NECTIN2: variants seen among roughly 807,000 people sequenced by gnomAD.
The protein encoded by NECTIN2 is nectin-2.
Under a neutral mutation model 56.9 loss-of-function variants are expected in NECTIN2, and 23 were observed. The observed-to-expected ratio is 0.40, with a 90% CI of 0.29 to 0.57. The LOEUF (loss-of-function observed/expected upper bound fraction) is 0.57. Among genes scored for constraint, NECTIN2 ranks in the 20% least tolerant of loss-of-function variants. NECTIN2 has a pLI of 0.38. For synonymous variants in NECTIN2, 302 were observed against 313.8 expected (o/e 0.96, Z 0.40); for missense variants, 587 against 718.3 (o/e 0.82, Z 2.09).
chr19:44,865,125 T>C lies in NECTIN2; in HGVS notation c.89-146T>C, dbSNP rs1180768542. The C allele has an allele frequency of 3.6e-6, 3 of 832,612 alleles. No individual in the cohort carries two copies. Among genetic ancestry groups the C allele is most frequent in the Non-Finnish European group, 5.6e-6 (3 of 539,112 alleles). The allele number at this position is 832,612 out of a possible 1,614,324, so 51.6% of individuals were successfully genotyped here. On this transcript the variant is annotated intron_variant, in intron 1 of 8. Transcript: ENST00000252483. This position sits in a 1 kb window ranked among gnomAD's most constrained non-coding sequence, Gnocchi z 5.2. ...CCCTAAAATGTCTTTTCCAGGTGGCTTTTTTGGAATCAGGATGCTGCGAAG... is the reference window on the plus strand; with the variant it reads ...CCCTAAAATGTCTTTTCCAGGTGGCCTTTTTGGAATCAGGATGCTGCGAAG...
intron 5 of NECTIN2, among the ~76,000 whole-genome samples, chr19:44,879,991 C>T (rs1215052311): frequency 6.6e-6 from 1 of 152,202 alleles, no homozygotes; most frequent in Non-Finnish European, 1.5e-5. Flanking sequence ...CAGTCTCTCT[C>T]TCTCACTCCC....
chr19:44,868,267 G>A (rs906753899), intron 2 of NECTIN2, among the ~76,000 whole-genome samples: 1 of 151,256 alleles, frequency 6.6e-6, no homozygotes, highest in African/African-American at 2.4e-5. Flanking sequence ...AGAGGCTGAG[G>A]TGGGAGGATC....
rs1174234255 is a variant in NECTIN2 at position 44,872,055 on chromosome 19, C to A, written c.681C>A (p.Pro227=). 6.2e-7 allele frequency: 1 copy of A among 1,614,192 alleles called. No homozygotes were observed. Among genetic ancestry groups the A allele is most frequent in the South Asian group, 1.1e-5 (1 of 91,086 alleles). The change falls in exon 3 of 9, where the codon CCC becomes CCA. Residue 227 remains proline, a synonymous_variant. Coordinates refer to ENST00000252483, the MANE Select transcript of NECTIN2 (RefSeq NM_001042724.2). ...VTVTSRFTLV[P]SGRADGVTVT... Reference sequence around the variant, plus strand: ...TCACCAGCCGCTTCACCTTGGTGCCCTCGGGCCGAGCAGATGGTGTCACGG... The same window carrying A: ...TCACCAGCCGCTTCACCTTGGTGCCATCGGGCCGAGCAGATGGTGTCACGG...
At chr19:44,851,396 T>G (rs1324361388) in intron 1 of NECTIN2, among the ~76,000 whole-genome samples, 1 of 148,760 alleles carries the variant, frequency 6.7e-6, no homozygotes, top group Non-Finnish European at 1.5e-5. Flanking sequence ...CAGCTCCTCC[T>G]CCCTCAGACC....
chr19:44,861,198 T>C (rs1442547120), intron 1 of NECTIN2, among the ~76,000 whole-genome samples: 3 of 152,174 alleles, frequency 2.0e-5, no homozygotes, highest in African/African-American at 7.2e-5. Flanking sequence ...CCACTGTTGA[T>C]GGGAATGTAA....
intron 1 of NECTIN2, among the ~76,000 whole-genome samples, chr19:44,857,507 T>A (rs1007903108): frequency 5.4e-5 from 8 of 146,946 alleles, no homozygotes; most frequent in Admixed American, 2.0e-4. Flanking sequence ...GTTCAAGCAA[T>A]CCTCCTGCCT....
Position 44,857,362 on chromosome 19 carries a change from C to T in NECTIN2, c.89-7909C>T, listed in dbSNP as rs143388510. On this transcript the variant is annotated intron_variant, in intron 1 of 8. Coordinates refer to ENST00000252483, the MANE Select transcript of NECTIN2 (RefSeq NM_001042724.2). ...CCTTGAGTGATTCTCCTGCCACAGC[C>T]TCCCTAGTAGCTGGGACTACAGGCC... 2.2e-3 allele frequency among the ~76,000 whole-genome samples: 332 copies of T among 151,918 alleles called. 1 individual carries two copies. The highest frequency in any genetic ancestry group is 3.7e-3 in the Non-Finnish European group (252 of 67,950).
intron 5 of NECTIN2, among the ~76,000 whole-genome samples, chr19:44,879,930 A>G (rs1969289515): frequency 6.6e-6 from 1 of 152,116 alleles, no homozygotes; most frequent in South Asian, 2.1e-4. Flanking sequence ...TAATGACCAC[A>G]AGAATAGCAG....
In NECTIN2 at chr19:44,880,475, C is replaced by CTTTTTTTT. The variant is rs4013742; in HGVS notation, c.1043-1713_1043-1706dup. Among the ~76,000 whole-genome samples, 5 of 68,880 alleles carry CTTTTTTTT rather than the reference C, an allele frequency of 7.3e-5. 1 individual carries two copies. The highest frequency in any genetic ancestry group is 1.4e-4 in the African/African-American group (2 of 14,768). 45.2% of individuals were successfully genotyped at this position (68,880 alleles called of 152,430 possible). On this transcript the variant is annotated intron_variant, in intron 5 of 8. Transcript: ENST00000252483. The stretch of plus-strand genomic sequence containing the variant: ...TTCTCGACCCCTTTTCCTGTCTTGC[C>CTTTTTTTT]TTTTTTTTTTTTTTTTTTTTTTTTT...
intron 6 of NECTIN2, among the ~76,000 whole-genome samples, chr19:44,885,097 A>G (rs1240908722): frequency 1.3e-5 from 2 of 151,782 alleles, no homozygotes; most frequent in Admixed American, 1.3e-4. Flanking sequence ...CCCGGGTTCA[A>G]GCAATTCTCC....
At chr19:44,871,644 G>C (rs1209829957) in intron 2 of NECTIN2, among the ~76,000 whole-genome samples, 1 of 152,158 alleles carries the variant, frequency 6.6e-6, no homozygotes, top group Non-Finnish European at 1.5e-5. Flanking sequence ...AGCAATCCTA[G>C]GGGTGGGTAC....
In NECTIN2 at chr19:44,872,088, C is replaced by G; in HGVS notation, c.714C>G (p.Cys238Trp). 3 of 1,614,206 alleles carry G rather than the reference C, an allele frequency of 1.9e-6. No homozygotes were observed. Among genetic ancestry groups the G allele is most frequent in the Non-Finnish European group, 2.5e-6 (3 of 1,180,036 alleles). The change falls in exon 3 of 9, where the codon TGC becomes TGG. Residue 238 changes from cysteine (C) to tryptophan (W), a missense_variant. Cys to Trp is a radical substitution (Grantham distance 215, BLOSUM62 -2). Coordinates refer to ENST00000252483, the MANE Select transcript of NECTIN2 (RefSeq NM_001042724.2). ...GAGCAGATGGTGTCACGGTCACCTG[C>G]AAAGTGGAGCATGAGAGCTTCGAGG... Reference protein sequence around the residue: ...SGRADGVTVTCKVEHESFEEP... With the variant: ...SGRADGVTVTWKVEHESFEEP...
Position 44,865,702 on chromosome 19 carries a change from G to A in NECTIN2, c.478+42G>A, listed in dbSNP as rs41289518. ...CGGGAGGCAAGGAGGTGGGAGGGCCGCGGTGTGGGAGCATCCCCTTGCGGG... is the reference window on the plus strand; with the variant it reads ...CGGGAGGCAAGGAGGTGGGAGGGCCACGGTGTGGGAGCATCCCCTTGCGGG... On this transcript the variant is annotated intron_variant, in intron 2 of 8. Transcript: ENST00000252483. This position sits in a 1 kb window ranked among gnomAD's most constrained non-coding sequence, Gnocchi z 5.2. The A allele has an allele frequency of 3.6e-4, 526 of 1,472,860 alleles. 1 individual carries two copies. The highest frequency in any genetic ancestry group is 4.3e-4 in the Non-Finnish European group (472 of 1,110,184). The allele number at this position is 1,472,860 out of a possible 1,614,324, so 91.2% of individuals were successfully genotyped here.
At chr19:44,872,242 G>C in intron 3 of NECTIN2, 93 bp downstream of exon 3, 2 of 1,449,800 alleles carry the variant, frequency 1.4e-6, no homozygotes, top group Non-Finnish European at 1.9e-6. Flanking sequence ...TGTTGTCTAC[G>C]TGGGTTCCCT....
At chr19:44,864,173 AAAAC>A (rs139855502) in intron 1 of NECTIN2, among the ~76,000 whole-genome samples, 72,455 of 150,574 alleles carry the variant, frequency 0.48, 18,549 homozygotes, top group East Asian at 0.57. Flanking sequence ...TGTCTCTACC[AAAAC>A]AAACAAACAA....
chr19:44,879,368 T>A (rs1249560377), intron 5 of NECTIN2, among the ~76,000 whole-genome samples: 1 of 152,026 alleles, frequency 6.6e-6, no homozygotes, highest in Non-Finnish European at 1.5e-5. Context: ...CAGAGGGCTG[T>A]GATCCAGTGG....
At position 44,888,538 on chromosome 19, in the gene NECTIN2, C is replaced by G; in HGVS notation, c.*159C>G. 1.3e-6 allele frequency: 1 copy of G among 754,756 alleles called. No homozygotes were observed. The highest frequency in any genetic ancestry group is 2.0e-5 in the South Asian group (1 of 50,502). The allele number at this position is 754,756 out of a possible 1,614,324, so 46.8% of individuals were successfully genotyped here. ...TGGTGGCTCCACTATGACCCCTAAC[C>G]CATGAGCCCAGAGAAATTCACCGTG... On this transcript the variant is annotated 3_prime_UTR_variant, in exon 9 of 9. Coordinates refer to ENST00000252483, the MANE Select transcript of NECTIN2 (RefSeq NM_001042724.2).
chr19:44,856,053 C>A (rs892370111), intron 1 of NECTIN2, among the ~76,000 whole-genome samples: 3 of 152,144 alleles, frequency 2.0e-5, no homozygotes, highest in Non-Finnish European at 4.4e-5. Context: ...ATAATCCCAG[C>A]AGTTTGGGAG....
intron 2 of NECTIN2, among the ~76,000 whole-genome samples, chr19:44,868,461 TTTTTC>T (rs974599431): frequency 2.3e-5 from 3 of 128,602 alleles, no homozygotes; most frequent in African/African-American, 6.9e-5. Flanking sequence ...TTTCTTTTCC[TTTTTC>T]TTTTTTTTTT....
Sources: gnomAD v4.1 joint callset for allele counts (sites outside exome capture counted in the v4.1 genomes callset) on GRCh38, gnomAD v4.1.1 for gene constraint, Gnocchi (gnomAD v3.1) non-coding constraint, MANE v1.5 for transcripts, NCBI Gene and HGNC (gene_info 2026-07-23, HGNC 2026-07-21) for gene names.